TADA2A: variants seen among roughly 807,000 people sequenced by gnomAD.
TADA2A encodes the protein transcriptional adaptor 2A, also known as transcriptional adapter 2-alpha.
TADA2A carries 38 observed loss-of-function variants against 67.4 expected under a neutral mutation model. The ratio of observed to expected loss-of-function variants is 0.56; its 90% CI spans 0.44 to 0.74. The LOEUF (loss-of-function observed/expected upper bound fraction) is 0.74. Ranked by LOEUF, TADA2A falls within the 30% of genes least tolerant of loss-of-function variation. TADA2A has a pLI of 0.00. For synonymous variants in TADA2A, 192 were observed against 181.6 expected (o/e 1.06, Z -0.46); for missense variants, 454 against 547.0 (o/e 0.83, Z 1.70).
At chr17:37,470,264 G>C in intron 12 of TADA2A, 136 bp from the exon 13 acceptor site, 4 of 978,986 alleles carry the variant, frequency 4.1e-6, no homozygotes, top group Non-Finnish European at 5.9e-6. Context: ...GGGTCTTGGA[G>C]AAATAATTGT....
At chr17:37,428,713 G>C (rs372522441) in intron 4 of TADA2A, among the ~76,000 whole-genome samples, 1 of 152,094 alleles carries the variant, frequency 6.6e-6, no homozygotes, top group East Asian at 1.9e-4. Flanking sequence ...TGACTAGCTG[G>C]GACTATAGGC....
chr17:37,455,314 TAAAA>T (rs35483722), intron 8 of TADA2A, among the ~76,000 whole-genome samples: 1 of 138,892 alleles, frequency 7.2e-6, no homozygotes, highest in Non-Finnish European at 1.6e-5. Context: ...TTCTGGTTAT[TAAAA>T]AAAAAAAAAA....
rs1338363881 is a variant in TADA2A, at chr17:37,477,486, A to G, written c.*504A>G. The G allele has an allele frequency of 6.8e-6, 1 of 147,238 alleles. No individual in the cohort carries two copies. The highest frequency in any genetic ancestry group is 1.5e-5 in the Non-Finnish European group (1 of 67,048). 9.1% of individuals were successfully genotyped at this position (147,238 alleles called of 1,614,324 possible). A position where few individuals can be genotyped will look rare whatever the true frequency, so the allele number is the denominator to read the frequency against. ...ACAACTTTTTTTTTTTTTTTTTGAG[A>G]CAGAGTTTGCTCTTGTCCTCCAGGC... On this transcript the variant is annotated 3_prime_UTR_variant, in exon 16 of 16. Transcript: ENST00000615182.
At chr17:37,437,910 T>G (rs2052780894) in intron 5 of TADA2A, 81 bp downstream of exon 5, 1 of 1,318,654 alleles carries the variant, frequency 7.6e-7, no homozygotes, top group East Asian at 2.3e-5. Flanking sequence ...GGAAGGAACC[T>G]CAGGAAGAGA....
chr17:37,467,559 G>A, intron 12 of TADA2A, 34 bp downstream of exon 12: 1 of 1,531,322 alleles, frequency 6.5e-7, no homozygotes, highest in Non-Finnish European at 9.0e-7. Context: ...CGTACTTGAG[G>A]GCAAGTATCT....
intron 2 of TADA2A, among the ~76,000 whole-genome samples, chr17:37,422,352 T>C (rs893505106): frequency 6.6e-6 from 1 of 151,624 alleles, no homozygotes; most frequent in African/African-American, 2.4e-5. Context: ...CCAATTTTTT[T>C]GTAGTTTTAG....
chr17:37,411,866 A>G (rs956050584), intron 2 of TADA2A, among the ~76,000 whole-genome samples: 3 of 152,030 alleles, frequency 2.0e-5, no homozygotes, highest in African/African-American at 7.2e-5. Context: ...ATTAATACAT[A>G]TTGATTACCC....
intron 14 of TADA2A, 84 bp from the exon 15 acceptor site, chr17:37,474,472 G>T: frequency 7.6e-7 from 1 of 1,319,720 alleles, no homozygotes; most frequent in Non-Finnish European, 1.1e-6. Flanking sequence ...TAACTGGCCT[G>T]GCTGCACTGA....
intron 8 of TADA2A, among the ~76,000 whole-genome samples, chr17:37,450,389 G>A (rs1375519528): frequency 6.6e-6 from 1 of 152,152 alleles, no homozygotes; most frequent in African/African-American, 2.4e-5. Context: ...TGCAGTTAAG[G>A]CCTCTGAGTT....
intron 8 of TADA2A, among the ~76,000 whole-genome samples, chr17:37,450,133 G>A (rs377264880): frequency 2.0e-5 from 3 of 152,248 alleles, no homozygotes; most frequent in Admixed American, 1.3e-4. Context: ...TTTGTATTGC[G>A]CTGCATTCAA....
chr17:37,425,333 GTAA>G (rs2052373023), intron 3 of TADA2A, among the ~76,000 whole-genome samples: 1 of 152,094 alleles, frequency 6.6e-6, no homozygotes, highest in African/African-American at 2.4e-5. Flanking sequence ...GGTGATAATG[GTAA>G]TAATAATACT....
intron 2 of TADA2A, among the ~76,000 whole-genome samples, chr17:37,419,929 C>T (rs1212919906): frequency 6.9e-6 from 1 of 145,470 alleles, no homozygotes; most frequent in Non-Finnish European, 1.5e-5. Flanking sequence ...GGAGAAGAAT[C>T]GCCTGAATCC....
chr17:37,442,001 A>T (rs2052932633), intron 6 of TADA2A, among the ~76,000 whole-genome samples: 1 of 152,132 alleles, frequency 6.6e-6, no homozygotes, highest in Admixed American at 6.6e-5. Context: ...TGGTGTTAGC[A>T]CTTTGTTCTC....
intron 4 of TADA2A, among the ~76,000 whole-genome samples, chr17:37,435,864 G>T (rs2052709388): frequency 6.6e-6 from 1 of 152,016 alleles, no homozygotes; most frequent in East Asian, 1.9e-4. Context: ...ACAGGTGCAT[G>T]CCAACACTCC....
chr17:37,429,045 CAAAAAAAA>C (rs375811520), intron 4 of TADA2A, among the ~76,000 whole-genome samples: 1 of 109,614 alleles, frequency 9.1e-6, no homozygotes, highest in Non-Finnish European at 2.0e-5. Flanking sequence ...GACTCCGTCT[CAAAAAAAA>C]AAAAAAAAGA....
chr17:37,463,988 A>C (rs2053606044), intron 10 of TADA2A, among the ~76,000 whole-genome samples: 1 of 152,110 alleles, frequency 6.6e-6, no homozygotes, highest in African/African-American at 2.4e-5. Flanking sequence ...AAAAAAAAAA[A>C]TAGCTGTCAT....
intron 4 of TADA2A, 131 bp downstream of exon 4, chr17:37,427,140 CT>C: frequency 1.5e-6 from 1 of 666,732 alleles, no homozygotes; most frequent in Non-Finnish European, 2.3e-6. Flanking sequence ...CTCTGAGTAT[CT>C]TTACCTTTTC....
At chr17:37,447,542 A>G (rs1362083976) in intron 8 of TADA2A, among the ~76,000 whole-genome samples, 1 of 152,186 alleles carries the variant, frequency 6.6e-6, no homozygotes, top group East Asian at 1.9e-4. Flanking sequence ...TGGGAGGCCA[A>G]AGTGGGAGGA....
chr17:37,431,100 A>G lies in TADA2A; in HGVS notation c.192+4091A>G, dbSNP rs78277123. 6.1e-3 allele frequency among the ~76,000 whole-genome samples: 928 copies of G among 152,154 alleles called. 9 individuals are homozygous for G. Among genetic ancestry groups the G allele is most frequent in the African/African-American group, 0.021 (886 of 41,508 alleles). ...ATAACAAGTTCTAAGTGCCTGTGTA[A>G]TCTGAAGACCTCCTGTGTGGTCTTC... On this transcript the variant is annotated intron_variant, in intron 4 of 15. Coordinates refer to ENST00000615182, the MANE Select transcript of TADA2A (RefSeq NM_001166105.3).
Sources: allele counts gnomAD v4.1 joint callset (sites outside exome capture counted in the v4.1 genomes callset), GRCh38; gene constraint gnomAD v4.1.1; transcripts MANE v1.5; gene names NCBI Gene and HGNC (gene_info 2026-07-23, HGNC 2026-07-21).